Variants in RXRG observed in about 807,000 individuals in gnomAD.
RXRG encodes retinoic acid receptor RXR-gamma.
Under a neutral mutation model 49.2 loss-of-function variants are expected in RXRG, and 19 were observed. The ratio of observed to expected loss-of-function variants is 0.39; its 90% confidence interval spans 0.27 to 0.57. The LOEUF (loss-of-function observed/expected upper bound fraction) is 0.57, where lower values mean the gene tolerates loss of function less well. RXRG is among the 20% of genes least tolerant of loss of function. The pLI, the probability that RXRG is intolerant of heterozygous loss-of-function variation, is 0.64. For synonymous variants in RXRG, 224 were observed against 216.6 expected (o/e 1.03, Z -0.30); for missense variants, 452 against 592.5 (o/e 0.76, Z 2.46).
intron 1 of RXRG, among the ~76,000 whole-genome samples, chr1:165,440,358 C>T (rs1440332557): frequency 6.6e-6 from 1 of 152,144 alleles, no homozygotes; most frequent in East Asian, 1.9e-4. Flanking sequence ...CGAGTTGATA[C>T]AGGTTAAGTA....
At chr1:165,436,981 G>T in intron 1 of RXRG, 1 of 1,121,154 alleles carries the variant, frequency 8.9e-7, no homozygotes, top group Non-Finnish European at 1.1e-6. Flanking sequence ...TCAGAGGAAC[G>T]GGAAACAAAG....
intron 2 of RXRG, among the ~76,000 whole-genome samples, chr1:165,425,929 G>A (rs1479121423): frequency 1.3e-5 from 2 of 152,332 alleles, no homozygotes; most frequent in South Asian, 2.1e-4. Flanking sequence ...TGGGGTCACT[G>A]TGCAAGTCAG....
chr1:165,411,998 A>G (rs1271406608), intron 4 of RXRG, among the ~76,000 whole-genome samples: 1 of 152,204 alleles, frequency 6.6e-6, no homozygotes, highest in East Asian at 1.9e-4. Flanking sequence ...CCCAAAGTCA[A>G]GAAAATTATC....
At chr1:165,404,265 T>G (rs1311604121) in intron 9 of RXRG, among the ~76,000 whole-genome samples, 1 of 152,166 alleles carries the variant, frequency 6.6e-6, no homozygotes, top group African/African-American at 2.4e-5. Context: ...GTCCAAGCTG[T>G]GATGGACAAA....
intron 8 of RXRG, 33 bp from the exon 9 acceptor site, chr1:165,406,950 C>T (rs778539140): frequency 4.8e-6 from 7 of 1,470,680 alleles, no homozygotes; most frequent in Middle Eastern, 1.8e-4. Context: ...CCTTTGATTA[C>T]ACACCCTCCA....
At chr1:165,429,295 G>T (rs193030646) in intron 1 of RXRG, among the ~76,000 whole-genome samples, 2 of 152,182 alleles carry the variant, frequency 1.3e-5, no homozygotes, top group Non-Finnish European at 2.9e-5. Context: ...AGTGACTGAG[G>T]CCTGGGCCAG....
At chr1:165,442,174 G>C (rs188230) in intron 1 of RXRG, among the ~76,000 whole-genome samples, 5 of 151,954 alleles carry the variant, frequency 3.3e-5, no homozygotes, top group African/African-American at 1.2e-4. Flanking sequence ...GGGGAGGTTA[G>C]AGGCCAAAGG....
chr1:165,444,030 A>G (rs534002987), intron 1 of RXRG, among the ~76,000 whole-genome samples: 7 of 152,148 alleles, frequency 4.6e-5, no homozygotes, highest in African/African-American at 1.4e-4. Flanking sequence ...CACTAAATCA[A>G]GGGATCCTTG....
At chr1:165,412,371 A>T (rs157862) in intron 4 of RXRG, among the ~76,000 whole-genome samples, 20,834 of 152,206 alleles carry the variant, frequency 0.14, 1,563 homozygotes, top group South Asian at 0.21. Flanking sequence ...AAGAGACAAC[A>T]AAACAGGGTG....
At chr1:165,421,079 G>C (rs1210068865) in intron 2 of RXRG, among the ~76,000 whole-genome samples, 1 of 152,206 alleles carries the variant, frequency 6.6e-6, no homozygotes, top group Non-Finnish European at 1.5e-5. Flanking sequence ...CTTTGGGACA[G>C]AAGAAAGGTT....
chr1:165,425,904 C>T (rs998771405), intron 2 of RXRG, among the ~76,000 whole-genome samples: 1 of 152,212 alleles, frequency 6.6e-6, no homozygotes, highest in Non-Finnish European at 1.5e-5. Context: ...TCCTTGGCTG[C>T]CAACAGGAAG....
chr1:165,427,753 T>C (rs936037799), intron 2 of RXRG, among the ~76,000 whole-genome samples: 2 of 152,176 alleles, frequency 1.3e-5, no homozygotes, highest in African/African-American at 2.4e-5. Flanking sequence ...GAATCAGTCA[T>C]GGTTTTCTTA....
intron 2 of RXRG, among the ~76,000 whole-genome samples, chr1:165,423,148 G>A (rs906913800): frequency 6.6e-6 from 1 of 152,206 alleles, no homozygotes; most frequent in African/African-American, 2.4e-5. Context: ...CTGGCTTGGG[G>A]TTTGTTTTGG....
chr1:165,429,344 GGA>G (rs1258721635), intron 1 of RXRG, among the ~76,000 whole-genome samples: 2 of 152,178 alleles, frequency 1.3e-5, no homozygotes, highest in Non-Finnish European at 2.9e-5. Context: ...ACCTCGATGG[GGA>G]GAGTGAGTAG....
chr1:165,442,664 G>T (rs1055913160), intron 1 of RXRG, among the ~76,000 whole-genome samples: 1 of 152,074 alleles, frequency 6.6e-6, no homozygotes, highest in Non-Finnish European at 1.5e-5. Context: ...TAACTATTTT[G>T]CATGTTAGTC....
chr1:165,439,309 G>A (rs114251281), intron 1 of RXRG, among the ~76,000 whole-genome samples: 7,769 of 151,020 alleles, frequency 0.051, 317 homozygotes, highest in Non-Finnish European at 0.073. Context: ...GAGGGGAGGA[G>A]GGGGGTGGAG....
At chr1:165,434,272 A>ATATGTGTGTG (rs1553223950) in intron 1 of RXRG, among the ~76,000 whole-genome samples, 75 of 66,778 alleles carry the variant, frequency 1.1e-3, no homozygotes, top group African/African-American at 2.7e-3. Flanking sequence ...AATGAATTGC[A>ATATGTGTGTG]TGTGTGTATG....
In RXRG at chr1:165,420,177, G is replaced by C. The variant is rs2101723812; in HGVS notation, c.298-163C>G. On this transcript the variant is annotated intron_variant, in intron 2 of 9. Coordinates refer to ENST00000359842, the MANE Select transcript of RXRG (RefSeq NM_006917.5). ...GCCTATCTGTGAGATGAACTTAAGG[G>C]AGGGATAAAAGTGCCATAGGAGGAA... Among the ~76,000 whole-genome samples, 3 of 152,308 alleles carry C rather than the reference G, an allele frequency of 2.0e-5. No individual in the cohort carries two copies. In the Middle Eastern group the frequency reaches 0.01, roughly 518 times the overall value.
intron 4 of RXRG, among the ~76,000 whole-genome samples, chr1:165,412,822 T>C (rs1020599333): frequency 4.6e-5 from 7 of 152,238 alleles, no homozygotes; most frequent in African/African-American, 1.7e-4. Flanking sequence ...CTTCATTCAC[T>C]GACAACATGT....
Sources: gnomAD v4.1 joint callset for allele counts (sites outside exome capture counted in the v4.1 genomes callset) on GRCh38, gnomAD v4.1.1 for gene constraint, MANE v1.5 for transcripts, NCBI Gene and HGNC (gene_info 2026-07-23, HGNC 2026-07-21) for gene names.